Variants in GNAQ observed in about 807,000 individuals in gnomAD.
GNAQ encodes guanine nucleotide-binding protein G(q) subunit alpha.
A neutral mutation model predicts 43.9 loss-of-function variants in GNAQ; 8 were observed. The observed-to-expected ratio is 0.18, with a 90% CI of 0.11 to 0.33. The LOEUF (loss-of-function observed/expected upper bound fraction) is 0.33. Ranked by LOEUF, GNAQ falls within the 10% of genes least tolerant of loss-of-function variation. The pLI, the probability that GNAQ is intolerant of heterozygous loss-of-function variation, is 1.00. For synonymous variants in GNAQ, 155 were observed against 170.7 expected, an observed-to-expected ratio of 0.91 and a Z score of 0.71; for missense variants, 158 against 450.8, an observed-to-expected ratio of 0.35 and a Z score of 5.88.
intron 2 of GNAQ, among the ~76,000 whole-genome samples, chr9:77,842,193 T>C (rs1457478050): frequency 6.6e-6 from 1 of 152,228 alleles, no homozygotes; most frequent in African/African-American, 2.4e-5. Context: ...CTATTCTAGC[T>C]TTCCTCTAAC....
intron 1 of GNAQ, among the ~76,000 whole-genome samples, chr9:77,958,481 C>T (rs1823069416): frequency 6.6e-6 from 1 of 152,178 alleles, no homozygotes. Context: ...TTACTCTGTC[C>T]TATTCACTAA....
chr9:77,991,869 C>T (rs550128823), intron 1 of GNAQ, among the ~76,000 whole-genome samples: 6 of 152,306 alleles, frequency 3.9e-5, no homozygotes, highest in African/African-American at 1.4e-4. Context: ...GCCTCCAGCT[C>T]CATCCAAGTT....
chr9:77,941,907 T>C (rs201384028), intron 1 of GNAQ, among the ~76,000 whole-genome samples: 117 of 141,092 alleles, frequency 8.3e-4, no homozygotes, highest in African/African-American at 2.8e-3. Context: ...ACAACATACA[T>C]ACACACACAC....
chr9:78,009,001 A>C (rs1032195265), intron 1 of GNAQ, among the ~76,000 whole-genome samples: 3 of 152,242 alleles, frequency 2.0e-5, no homozygotes, highest in Non-Finnish European at 4.4e-5. Flanking sequence ...TGTCAAATAA[A>C]GTATACAGAT....
intron 2 of GNAQ, among the ~76,000 whole-genome samples, chr9:77,865,517 A>G (rs1827933652): frequency 6.6e-6 from 1 of 152,254 alleles, no homozygotes; most frequent in South Asian, 2.1e-4. Context: ...AGCAAAGTCC[A>G]TGGAGCTGTT....
chr9:77,797,694 C>A (rs748065096), intron 3 of GNAQ, 46 bp from the exon 4 acceptor site: 1 of 1,585,922 alleles, frequency 6.3e-7, no homozygotes, highest in Non-Finnish European at 8.6e-7. Flanking sequence ...CACCATCACA[C>A]CAAAGCTGTC....
At chr9:77,722,801 T>C (rs1439174177) in intron 6 of GNAQ, among the ~76,000 whole-genome samples, 1 of 151,936 alleles carries the variant, frequency 6.6e-6, no homozygotes, top group African/African-American at 2.4e-5. Flanking sequence ...AAACTATAGG[T>C]GCCACCAAGC....
intron 2 of GNAQ, among the ~76,000 whole-genome samples, chr9:77,884,260 G>T (rs1232795721): frequency 6.6e-6 from 1 of 152,174 alleles, no homozygotes; most frequent in Non-Finnish European, 1.5e-5. Context: ...CCCCTGTGGG[G>T]GTGTGAAGGC....
intron 1 of GNAQ, among the ~76,000 whole-genome samples, chr9:77,961,881 C>A (rs995672928): frequency 1.3e-5 from 2 of 152,088 alleles, no homozygotes; most frequent in African/African-American, 4.8e-5. Context: ...TAAATTTAGA[C>A]CCAGAAGACA....
chr9:77,827,519 A>C (rs545115254), intron 2 of GNAQ, among the ~76,000 whole-genome samples: 7 of 151,876 alleles, frequency 4.6e-5, no homozygotes, highest in Non-Finnish European at 8.8e-5. Flanking sequence ...TTTAGCCCCT[A>C]CTTCCTTTTT....
intron 2 of GNAQ, among the ~76,000 whole-genome samples, chr9:77,915,848 CT>C (rs1828894247): frequency 6.6e-6 from 1 of 152,170 alleles, no homozygotes; most frequent in Admixed American, 6.6e-5. Context: ...CCATGTGTCA[CT>C]TTATTTTTCA....
At chr9:77,912,407 T>G (rs1295933002) in intron 2 of GNAQ, among the ~76,000 whole-genome samples, 1 of 152,208 alleles carries the variant, frequency 6.6e-6, no homozygotes, top group Non-Finnish European at 1.5e-5. Flanking sequence ...CCACCTGAAA[T>G]GGATTTTAGA....
At chr9:77,751,961 G>A (rs1055479848) in intron 5 of GNAQ, among the ~76,000 whole-genome samples, 1 of 152,224 alleles carries the variant, frequency 6.6e-6, no homozygotes, top group African/African-American at 2.4e-5. Flanking sequence ...GAAAAATGAT[G>A]GTTGAGGTAC....
chr9:78,028,723 A>C (rs1824012979), intron 1 of GNAQ, among the ~76,000 whole-genome samples: 1 of 152,208 alleles, frequency 6.6e-6, no homozygotes, highest in Non-Finnish European at 1.5e-5. Context: ...CAGAACATTC[A>C]GTGTACTCAT....
chr9:77,878,495 T>C (rs537077805), intron 2 of GNAQ, among the ~76,000 whole-genome samples: 2 of 152,140 alleles, frequency 1.3e-5, no homozygotes, highest in South Asian at 2.1e-4. Flanking sequence ...ATTTTTGAAA[T>C]TGAACTGCAT....
intron 3 of GNAQ, among the ~76,000 whole-genome samples, chr9:77,806,518 A>G (rs58214262): frequency 0.11 from 17,351 of 152,226 alleles, 1,143 homozygotes; most frequent in South Asian, 0.19. Flanking sequence ...ATCAATTAAG[A>G]AACAATTAAG....
intron 2 of GNAQ, among the ~76,000 whole-genome samples, chr9:77,900,559 T>C (rs913413633): frequency 6.6e-6 from 1 of 152,134 alleles, no homozygotes; most frequent in African/African-American, 2.4e-5. Context: ...TTCCTAATTA[T>C]CTACACTCCA....
intron 2 of GNAQ, among the ~76,000 whole-genome samples, chr9:77,905,126 A>G (rs1471826661): frequency 6.6e-6 from 1 of 152,196 alleles, no homozygotes; most frequent in Non-Finnish European, 1.5e-5. Context: ...TTAGATGTTA[A>G]GAAAGGCAAA....
chr9:77,779,247 G>A (rs1303887408), intron 5 of GNAQ, among the ~76,000 whole-genome samples: 2 of 151,590 alleles, frequency 1.3e-5, no homozygotes, highest in African/African-American at 2.4e-5. Context: ...AATGAAACTA[G>A]AAACAAATAA....
Sources: allele counts gnomAD v4.1 joint callset (sites outside exome capture counted in the v4.1 genomes callset), GRCh38; gene constraint gnomAD v4.1.1; transcripts MANE v1.5; gene names NCBI Gene and HGNC (gene_info 2026-07-23, HGNC 2026-07-21).